MPRIP: variants seen among roughly 807,000 people sequenced by gnomAD.
MPRIP encodes the protein myosin phosphatase Rho interacting protein, also known as myosin phosphatase Rho-interacting protein.
MPRIP carries 59 observed loss-of-function variants against 234.9 expected under a neutral mutation model. The observed-to-expected ratio is 0.25, with a 90% CI of 0.20 to 0.31. The LOEUF (loss-of-function observed/expected upper bound fraction) is 0.31, where lower values mean the gene tolerates loss of function less well. Among genes scored for constraint, MPRIP ranks in the 10% least tolerant of loss-of-function variants. The probability of loss-of-function intolerance (pLI) is 1.00; values close to 1 mark genes in which losing one functional copy is unlikely to be tolerated. For missense variants in MPRIP, 2,436 were observed against 3,071.0 expected (o/e 0.79, Z 4.89); for synonymous variants, 1,144 against 1,263.9 (o/e 0.91, Z 2.01).
intron 1 of MPRIP, among the ~76,000 whole-genome samples, chr17:17,064,902 T>C (rs2088975450): frequency 6.6e-6 from 1 of 152,208 alleles, no homozygotes; most frequent in Non-Finnish European, 1.5e-5. Flanking sequence ...TGTAGGTAGT[T>C]GCATGTTTAG....
At chr17:17,103,802 T>TG (rs2090010633) in intron 3 of MPRIP, among the ~76,000 whole-genome samples, 1 of 152,250 alleles carries the variant, frequency 6.6e-6, no homozygotes. Context: ...CTGCCTCAGA[T>TG]GATGGCCCTT....
chr17:17,179,513 G>A (rs1287301132), intron 22 of MPRIP: 3 of 152,070 alleles, frequency 2.0e-5, no homozygotes, highest in Non-Finnish European at 4.4e-5. Flanking sequence ...ATATGACTCA[G>A]TATCTGTTTG....
intron 3 of MPRIP, among the ~76,000 whole-genome samples, chr17:17,108,243 T>A (rs914861472): frequency 1.3e-5 from 2 of 152,170 alleles, no homozygotes; most frequent in African/African-American, 4.8e-5. Flanking sequence ...TCTTTACAGC[T>A]GCATTTTGTC....
chr17:17,170,462 A>T (rs1287176241), intron 16 of MPRIP, among the ~76,000 whole-genome samples: 1 of 152,238 alleles, frequency 6.6e-6, no homozygotes, highest in African/African-American at 2.4e-5. Flanking sequence ...AGAGCAGCAC[A>T]TAGGTTGCAG....
chr17:17,081,867 A>G (rs905080206), intron 3 of MPRIP, among the ~76,000 whole-genome samples: 4 of 152,094 alleles, frequency 2.6e-5, no homozygotes, highest in Non-Finnish European at 5.9e-5. Context: ...AGGAGAGGCA[A>G]ATTTCCCGAA....
Position 17,158,673 on chromosome 17 carries a change from C to G in MPRIP, c.2071C>G (p.Arg691Gly). The G allele has an allele frequency of 6.2e-7, 1 of 1,606,704 alleles. No individual in the cohort carries two copies. ...VGPADTHEPL[R>G]PEAEPGELER... ...GCCTGCTGACACCCACGAGCCCCTG[C>G]GCCCTGAGGCGGAGCCTGGGGAGCT... is the stretch of plus-strand genomic sequence containing the variant. Residue 691 changes from arginine (R) to glycine (G), a missense_variant, in exon 14 of 24, where the codon CGC (arginine) becomes GGC (glycine). This residue lies in a region of MPRIP where 1,998 missense variants were observed against 2,520.3 expected (regional missense o/e 0.79). Coordinates refer to ENST00000651222, the MANE Select transcript of MPRIP (RefSeq NM_001364716.4).
At position 17,188,770 on chromosome 17, in the gene MPRIP, G is replaced by A. The variant is rs1389131863; in HGVS notation, c.*3876G>A. 6.6e-6 allele frequency: 1 copy of A among 152,288 alleles called. No homozygotes were observed. The highest frequency in any genetic ancestry group is 2.4e-5 in the African/African-American group (1 of 41,462). 9.4% of individuals were successfully genotyped at this position (152,288 alleles called of 1,614,324 possible). ...CTCCTGGGAGGCTGCCGGGTGCCAC[G>A]GAGCTGGGACACAGCAGAGCCCGCT... On this transcript the variant is annotated 3_prime_UTR_variant, in exon 24 of 24. Coordinates refer to ENST00000651222, the MANE Select transcript of MPRIP (RefSeq NM_001364716.4).
At position 17,177,363 on chromosome 17, in the gene MPRIP, G is replaced by A. The variant is rs925380953; in HGVS notation, c.7071G>A (p.Thr2357=). The A allele has an allele frequency of 1.5e-5, 25 of 1,613,888 alleles. No individual in the cohort carries two copies. Among genetic ancestry groups the A allele is most frequent in the African/African-American group, 1.1e-4 (8 of 75,068 alleles). Residue 2357 remains threonine (T), a synonymous_variant, in exon 22 of 24, where the codon ACG becomes ACA. Coordinates refer to ENST00000651222, the MANE Select transcript of MPRIP (RefSeq NM_001364716.4). The stretch of plus-strand genomic sequence containing the variant: ...TGAAGGAGCAGCTCAAGGCTGCAAC[G>A]GAAGCACTGGGGGAGAAGTCCCCTG... The part of the protein sequence containing the change: ...SRLKEQLKAA[T]EALGEKSPDS...
chr17:17,154,517 A>G (rs1271232572), intron 13 of MPRIP, 102 bp downstream of exon 13: 1 of 865,696 alleles, frequency 1.2e-6, no homozygotes, highest in East Asian at 2.5e-5. Flanking sequence ...ACCTGAGCTC[A>G]GTGCATCCCA....
intron 3 of MPRIP, among the ~76,000 whole-genome samples, chr17:17,082,635 C>T (rs1206114534): frequency 6.6e-6 from 1 of 152,146 alleles, no homozygotes. Flanking sequence ...ACTGGAAATT[C>T]ACCATCTTAA....
chr17:17,085,463 T>C (rs1266734318), intron 3 of MPRIP, among the ~76,000 whole-genome samples: 3 of 152,222 alleles, frequency 2.0e-5, no homozygotes, highest in African/African-American at 7.2e-5. Context: ...TTTCAGACTT[T>C]TGGTTGAGAG....
chr17:17,073,709 G>A (rs942392713), intron 1 of MPRIP, among the ~76,000 whole-genome samples: 6 of 152,012 alleles, frequency 3.9e-5, no homozygotes, highest in Admixed American at 2.0e-4. Context: ...CTTAGGATGT[G>A]CACTCCTGGG....
Position 17,184,986 on chromosome 17 carries a change from T to C in MPRIP, c.*92T>C. 1.2e-6 allele frequency: 1 copy of C among 814,734 alleles called. No homozygotes were observed. 50.5% of individuals were successfully genotyped at this position (814,734 alleles called of 1,614,324 possible). On this transcript the variant is annotated 3_prime_UTR_variant, in exon 24 of 24. Transcript: ENST00000651222. ...TTCACCTGTACCTTTGTTTTATTAT[T>C]ATTATTATTATTGCTGTTGTTGTCA...
intron 1 of MPRIP, among the ~76,000 whole-genome samples, chr17:17,064,729 C>T (rs2088970879): frequency 6.6e-6 from 1 of 152,164 alleles, no homozygotes; most frequent in African/African-American, 2.4e-5. Context: ...TAGTTTGCTC[C>T]TTTTTATTGC....
intron 3 of MPRIP, among the ~76,000 whole-genome samples, chr17:17,114,372 C>T (rs1309890733): frequency 1.3e-5 from 2 of 152,070 alleles, no homozygotes; most frequent in African/African-American, 2.4e-5. Flanking sequence ...GTTGCCTTTT[C>T]GCTCTCTTGG....
At chr17:17,097,048 T>TA in intron 3 of MPRIP, 1 of 272,616 alleles carries the variant, frequency 3.7e-6, no homozygotes, top group South Asian at 3.6e-5. Flanking sequence ...TCTAGGAACA[T>TA]TCTGGGGTGT....
chr17:17,114,369 T>G (rs948077560), intron 3 of MPRIP, among the ~76,000 whole-genome samples: 1 of 152,232 alleles, frequency 6.6e-6, no homozygotes, highest in East Asian at 1.9e-4. Context: ...TAGGTTGCCT[T>G]TTCGCTCTCT....
intron 1 of MPRIP, among the ~76,000 whole-genome samples, chr17:17,065,813 ATCT>A (rs1309785882): frequency 1.3e-5 from 2 of 152,112 alleles, no homozygotes; most frequent in South Asian, 2.1e-4. Context: ...TCTTATTTAG[ATCT>A]TCTTTGATTT....
intron 3 of MPRIP, among the ~76,000 whole-genome samples, chr17:17,109,237 T>A (rs2090121872): frequency 6.6e-6 from 1 of 152,216 alleles, no homozygotes; most frequent in African/African-American, 2.4e-5. Flanking sequence ...TCTCTGAGAA[T>A]TCACCAGAGG....
Sources: gnomAD v4.1 joint callset for allele counts (sites outside exome capture counted in the v4.1 genomes callset) on GRCh38, gnomAD v4.1.1 for gene constraint, gnomAD v4.1.1 regional missense constraint, MANE v1.5 for transcripts, NCBI Gene and HGNC (gene_info 2026-07-23, HGNC 2026-07-21) for gene names.